PCDH15: variants seen among roughly 807,000 people sequenced by gnomAD.
PCDH15 encodes the protein protocadherin-15.
PCDH15 carries 129 observed loss-of-function variants against 178.5 expected under a neutral mutation model. The ratio of observed to expected loss-of-function variants is 0.72; its 90% CI spans 0.63 to 0.84. The LOEUF is 0.84. Among genes scored for constraint, PCDH15 ranks in the 40% least tolerant of loss-of-function variants. The probability of loss-of-function intolerance (pLI) is 0.00; values close to 1 mark genes in which losing one functional copy is unlikely to be tolerated. For missense variants in PCDH15, 2,230 were observed against 2,099.9 expected, an observed-to-expected ratio of 1.06 and a Z score of -1.21; for synonymous variants, 800 against 732.0, an observed-to-expected ratio of 1.09 and a Z score of -1.50.
chr10:55,233,363 A>G (rs529281894), intron 1 of PCDH15, among the ~76,000 whole-genome samples: 28 of 152,286 alleles, frequency 1.8e-4, no homozygotes, highest in African/African-American at 6.7e-4. Flanking sequence ...TCTACCTCAC[A>G]ATAATTAGAT....
At chr10:55,091,315 T>C (rs1290910384) in intron 2 of PCDH15, among the ~76,000 whole-genome samples, 1 of 151,988 alleles carries the variant, frequency 6.6e-6, no homozygotes, top group East Asian at 1.9e-4. Flanking sequence ...CTAAAGAAAC[T>C]ATCTGGGATT....
intron 5 of PCDH15, among the ~76,000 whole-genome samples, chr10:54,362,448 G>A (rs368561513): frequency 6.6e-6 from 1 of 152,070 alleles, no homozygotes. Context: ...CAAAAAACTT[G>A]ATTCTTTCAG....
chr10:55,240,586 AAAAT>A (rs1194180977), intron 1 of PCDH15, among the ~76,000 whole-genome samples: 6 of 152,178 alleles, frequency 3.9e-5, no homozygotes, highest in South Asian at 2.1e-4. Flanking sequence ...CAATAGATGT[AAAAT>A]AAATAGTTTT....
intron 1 of PCDH15, among the ~76,000 whole-genome samples, chr10:55,268,730 T>C (rs1231506329): frequency 6.6e-6 from 1 of 152,172 alleles, no homozygotes; most frequent in Admixed American, 6.6e-5. Context: ...AAATTGAATC[T>C]AATACACAGT....
chr10:53,957,298 ACACCTG>A (rs1333092709), intron 23 of PCDH15, among the ~76,000 whole-genome samples: 1 of 152,128 alleles, frequency 6.6e-6, no homozygotes, highest in East Asian at 1.9e-4. Context: ...TTTTTTGAGA[ACACCTG>A]ATCTAGATAA....
intron 3 of PCDH15, among the ~76,000 whole-genome samples, chr10:54,861,442 C>A (rs1047861053): frequency 6.6e-6 from 1 of 152,052 alleles, no homozygotes; most frequent in Non-Finnish European, 1.5e-5. Flanking sequence ...CCTGAACAGA[C>A]CAATAGTGAG....
chr10:55,251,616 T>C (rs778219352), intron 1 of PCDH15, among the ~76,000 whole-genome samples: 1 of 152,190 alleles, frequency 6.6e-6, no homozygotes, highest in African/African-American at 2.4e-5. Context: ...TTTTGGGCTA[T>C]AACAATGAAA....
At chr10:54,479,573 C>T (rs2078552260) in intron 3 of PCDH15, among the ~76,000 whole-genome samples, 1 of 151,646 alleles carries the variant, frequency 6.6e-6, no homozygotes, top group African/African-American at 2.4e-5. Flanking sequence ...ATCCCTTTTC[C>T]TCATCCTCAT....
In PCDH15 at chr10:55,381,672, T is replaced by C. The variant is rs933483138; in HGVS notation, c.-155-215021A>G. On this transcript the variant is annotated intron_variant, in intron 2 of 5. Transcript: ENST00000613346. The stretch of plus-strand genomic sequence containing the variant: ...CAGGGCAGATACTCACCAAAATGCA[T>C]AGGAAAAACAAAAATAAAAAATAAA... 4.6e-5 allele frequency among the ~76,000 whole-genome samples: 7 copies of C among 151,830 alleles called. No homozygotes were observed. In the South Asian group the frequency reaches 8.3e-4, roughly 18 times the overall value.
chr10:55,499,404 T>TAC (rs200878607), intron 2 of PCDH15, among the ~76,000 whole-genome samples: 14,504 of 136,206 alleles, frequency 0.11, 760 homozygotes, highest in Non-Finnish European at 0.14. Context: ...AGACTCTCCC[T>TAC]ACACACACAC....
At chr10:54,978,726 T>C (rs940540151) in intron 2 of PCDH15, among the ~76,000 whole-genome samples, 1 of 152,150 alleles carries the variant, frequency 6.6e-6, no homozygotes, top group South Asian at 2.1e-4. Context: ...TTTACCTGCT[T>C]TTTGGTCATC....
intron 2 of PCDH15, among the ~76,000 whole-genome samples, chr10:55,568,170 G>T (rs1212741137): frequency 9.2e-5 from 14 of 151,942 alleles, no homozygotes; most frequent in Admixed American, 7.9e-4. Context: ...AGTCTATCAA[G>T]AGTAGAACGG....
chr10:55,045,860 A>G (rs1345504948), intron 2 of PCDH15, among the ~76,000 whole-genome samples: 1 of 152,008 alleles, frequency 6.6e-6, no homozygotes, highest in African/African-American at 2.4e-5. Flanking sequence ...CATGACTCTC[A>G]CCACAAAATT....
chr10:54,864,347 T>C (rs1031259942), intron 3 of PCDH15, among the ~76,000 whole-genome samples: 4 of 152,180 alleles, frequency 2.6e-5, no homozygotes, highest in Non-Finnish European at 5.9e-5. Context: ...TTTTTCATTA[T>C]GTTTCATAAA....
chr10:53,908,152 G>C (rs889746601), intron 25 of PCDH15, among the ~76,000 whole-genome samples: 1 of 152,198 alleles, frequency 6.6e-6, no homozygotes, highest in African/African-American at 2.4e-5. Context: ...TCACAACAGT[G>C]TGGATAGGGG....
At chr10:53,822,612 G>A in intron 32 of PCDH15, 1 of 1,614,004 alleles carries the variant, frequency 6.2e-7, no homozygotes, top group Non-Finnish European at 8.5e-7. Context: ...TAAAACACAA[G>A]GCCTTGAAGG....
intron 26 of PCDH15, 57 bp from the exon 27 acceptor site, chr10:53,866,914 T>C (rs934816244): frequency 2.5e-6 from 3 of 1,213,298 alleles, no homozygotes; most frequent in African/African-American, 1.5e-5. Flanking sequence ...ATAACCCTTA[T>C]GAAATGGCTT....
chr10:54,196,582 A>T (rs1177093973), intron 10 of PCDH15, among the ~76,000 whole-genome samples: 3 of 152,218 alleles, frequency 2.0e-5, no homozygotes, highest in Non-Finnish European at 4.4e-5. Flanking sequence ...ACAAATAAAG[A>T]ACTATCGTAT....
At position 53,866,818 on chromosome 10, in the gene PCDH15, AG is replaced by A. The variant is rs1451899740; in HGVS notation, c.3540del (p.Tyr1181ThrfsTer4). ...DKDTGNYSVM[A>X]YRLIIPPIKE... is the part of the protein sequence containing the mutation. ...TTAATTGGTGGTATTATGAGTCTGT[AG>A]GCCATGACACTATAATTGCCAGTAT... On this transcript the variant is annotated frameshift_variant, in exon 27 of 38. Coordinates refer to ENST00000644397, the MANE Select transcript of PCDH15 (RefSeq NM_001384140.1). LOFTEE classifies it high-confidence loss of function. The A allele has an allele frequency of 1.2e-6, 2 of 1,613,106 alleles. No homozygotes were observed. The highest frequency in any genetic ancestry group is 1.7e-6 in the Non-Finnish European group (2 of 1,179,234).
Sources: allele counts gnomAD v4.1 joint callset (sites outside exome capture counted in the v4.1 genomes callset), GRCh38; gene constraint gnomAD v4.1.1; transcripts MANE v1.5; gene names NCBI Gene and HGNC (gene_info 2026-07-23, HGNC 2026-07-21).